ARID5A: variants seen among roughly 807,000 people sequenced by gnomAD.
ARID5A encodes the protein AT-rich interactive domain-containing protein 5A.
Under a neutral mutation model 30.5 loss-of-function variants are expected in ARID5A, and 14 were observed. The ratio of observed to expected loss-of-function variants is 0.46; its 90% CI spans 0.30 to 0.72. ARID5A has a LOEUF of 0.72. Among genes scored for constraint, ARID5A ranks in the 30% least tolerant of loss-of-function variants. The pLI, the probability that ARID5A is intolerant of heterozygous loss-of-function variation, is 0.07. For synonymous variants in ARID5A, 338 were observed against 340.4 expected, an observed-to-expected ratio of 0.99 and a Z score of 0.08; for missense variants, 669 against 786.2, an observed-to-expected ratio of 0.85 and a Z score of 1.78.
At chr2:96,540,500 G>A (rs1346050538) in intron 1 of ARID5A, among the ~76,000 whole-genome samples, 1 of 152,146 alleles carries the variant, frequency 6.6e-6, no homozygotes, top group East Asian at 1.9e-4. Context: ...GTGAACTACT[G>A]TTATCAGGGT....
intron 2 of ARID5A, among the ~76,000 whole-genome samples, chr2:96,547,979 A>ATT (rs1231245081): frequency 6.6e-6 from 1 of 152,210 alleles, no homozygotes; most frequent in Non-Finnish European, 1.5e-5. Flanking sequence ...AAATATCCTG[A>ATT]TTCATGCAGA....
At chr2:96,545,682 G>A (rs1415302146) in intron 1 of ARID5A, among the ~76,000 whole-genome samples, 1 of 152,046 alleles carries the variant, frequency 6.6e-6, no homozygotes, top group East Asian at 1.9e-4. Flanking sequence ...GTTGCCAGGT[G>A]CAGTGGCTCA....
chr2:96,545,825 G>A (rs1299937778), intron 1 of ARID5A, among the ~76,000 whole-genome samples: 3 of 151,870 alleles, frequency 2.0e-5, no homozygotes, highest in East Asian at 1.9e-4. Context: ...TTAGTGGCAC[G>A]CACCTGTAGT....
intron 1 of ARID5A, among the ~76,000 whole-genome samples, chr2:96,544,215 G>T (rs920259032): frequency 6.6e-6 from 1 of 152,248 alleles, no homozygotes; most frequent in Non-Finnish European, 1.5e-5. Context: ...CAGGGCTGGT[G>T]TAGAAGCTGC....
At chr2:96,538,295 G>A (rs1247138171) in intron 1 of ARID5A, 1 of 985,386 alleles carries the variant, frequency 1.0e-6, no homozygotes, top group Non-Finnish European at 1.2e-6. Context: ...TCCTGGAACT[G>A]GGGCTTTTAG....
At position 96,549,506 on chromosome 2, in the gene ARID5A, C is replaced by A; in HGVS notation, c.259+47C>A. The A allele has an allele frequency of 6.3e-7, 1 of 1,595,862 alleles. No individual in the cohort carries two copies. Among genetic ancestry groups the A allele is most frequent in the South Asian group, 1.1e-5 (1 of 90,400 alleles). ...AGGGAGGGGGGCCCAGCAGGGGACC[C>A]CGCCCAGGCAGGGCATCGGGCAGGC... is the stretch of plus-strand genomic sequence containing the variant. On this transcript the variant is annotated intron_variant, in intron 3 of 6. Transcript: ENST00000357485. This position sits in a 1 kb window ranked among gnomAD's most constrained non-coding sequence, Gnocchi z 6.1.
intron 1 of ARID5A, among the ~76,000 whole-genome samples, chr2:96,545,156 C>CTTTTTTTTTTTTTTTTTTTTTT (rs35156624): frequency 2.5e-4 from 29 of 116,320 alleles, no homozygotes; most frequent in Non-Finnish European, 3.2e-4. Flanking sequence ...TTTTCTTTTT[C>CTTTTTTTTTTTTTTTTTTTTTT]TTTTTTTTTT....
intron 1 of ARID5A, among the ~76,000 whole-genome samples, chr2:96,540,697 T>C (rs980349369): frequency 6.6e-5 from 10 of 152,212 alleles, no homozygotes; most frequent in Non-Finnish European, 1.3e-4. Context: ...CTCCTCAAAG[T>C]AGTTTCTAAA....
intron 1 of ARID5A, chr2:96,538,263 T>G: frequency 1.0e-6 from 1 of 985,462 alleles, no homozygotes; most frequent in Non-Finnish European, 1.2e-6. Context: ...TGGCCCAGAC[T>G]CCGTGGGGAG....
intron 1 of ARID5A, among the ~76,000 whole-genome samples, chr2:96,541,890 CAG>C (rs1263849655): frequency 2.0e-5 from 3 of 152,234 alleles, no homozygotes; most frequent in African/African-American, 7.2e-5. Context: ...CAGCAGCTAT[CAG>C]GGGCAAGTGG....
chr2:96,539,219 G>A lies in ARID5A; in HGVS notation c.4+2389G>A, dbSNP rs2065800681. Among the ~76,000 whole-genome samples the A allele has an allele frequency of 6.6e-6, 1 of 152,200 alleles. No homozygotes were observed. Among genetic ancestry groups the A allele is most frequent in the Non-Finnish European group, 1.5e-5 (1 of 68,034 alleles). ...CGCCCATCTTGTAGATGGGGAAAGG[G>A]AGATACAGAACCAGTGACCAACTTG... On this transcript the variant is annotated intron_variant, in intron 1 of 6. Coordinates refer to ENST00000357485, the MANE Select transcript of ARID5A (RefSeq NM_212481.3). The surrounding 1 kb of genome is among the most constrained non-coding windows in gnomAD (Gnocchi z 4.7).
At chr2:96,538,738 G>A (rs1464774485) in intron 1 of ARID5A, among the ~76,000 whole-genome samples, 1 of 152,240 alleles carries the variant, frequency 6.6e-6, no homozygotes, top group Non-Finnish European at 1.5e-5. Context: ...CTCAGCCGAG[G>A]GGGCGGGGCG....
At chr2:96,540,976 C>T (rs2065834959) in intron 1 of ARID5A, among the ~76,000 whole-genome samples, 1 of 151,672 alleles carries the variant, frequency 6.6e-6, no homozygotes, top group Non-Finnish European at 1.5e-5. Flanking sequence ...AGCTCCTTAC[C>T]TCAAGTGATC....
chr2:96,552,069 C>T lies in ARID5A; in HGVS notation c.1541C>T (p.Thr514Ile), dbSNP rs750336016. ...MLHCPLNFTG[T>I]PGPLKGQAAL... Reference sequence around the variant, plus strand: ...CACTGCCCGCTGAACTTCACTGGCACCCCGGGCCCCTTGAAGGGCCAGGCT... The same window carrying T: ...CACTGCCCGCTGAACTTCACTGGCATCCCGGGCCCCTTGAAGGGCCAGGCT... Residue 514 changes from threonine (T) to isoleucine (I), a missense_variant, in exon 7 of 7, where the codon ACC (threonine) becomes ATC (isoleucine). Coordinates refer to ENST00000357485, the MANE Select transcript of ARID5A (RefSeq NM_212481.3). The T allele has an allele frequency of 1.0e-5, 16 of 1,586,116 alleles. No individual in the cohort carries two copies. In the Admixed American group the frequency reaches 2.6e-4, roughly 26 times the overall value.
intron 1 of ARID5A, among the ~76,000 whole-genome samples, chr2:96,543,314 A>G (rs1486790898): frequency 6.6e-6 from 1 of 152,174 alleles, no homozygotes; most frequent in Non-Finnish European, 1.5e-5. Context: ...GAGGGAGAGA[A>G]TGTACAGGCA....
chr2:96,551,905 G>A lies in ARID5A; in HGVS notation c.1377G>A (p.Leu459=). The A allele has an allele frequency of 6.5e-7, 1 of 1,539,612 alleles. No individual in the cohort carries two copies. Among genetic ancestry groups the A allele is most frequent in the South Asian group, 1.2e-5 (1 of 80,100 alleles). The part of the protein sequence containing the change: ...EEGAAHSGKR[L]RAVSPFLKEA... ...GTGCTGCCCACAGTGGGAAGAGACT[G>A]CGGGCCGTGTCTCCCTTTCTTAAGG... The change falls in exon 7 of 7, where the codon CTG becomes CTA. Residue 459 remains leucine, a synonymous_variant. Coordinates refer to ENST00000357485, the MANE Select transcript of ARID5A (RefSeq NM_212481.3).
At chr2:96,543,007 A>G (rs1335571492) in intron 1 of ARID5A, among the ~76,000 whole-genome samples, 2 of 152,212 alleles carry the variant, frequency 1.3e-5, no homozygotes, top group Non-Finnish European at 2.9e-5. Context: ...TTGGTTGGAA[A>G]GGCATCAGTC....
Position 96,539,358 on chromosome 2 carries a change from G to A in ARID5A, c.4+2528G>A, listed in dbSNP as rs865809422. On this transcript the variant is annotated intron_variant, in intron 1 of 6. Transcript: ENST00000357485. This position sits in a 1 kb window ranked among gnomAD's most constrained non-coding sequence, Gnocchi z 4.7. ...AGGGCAGGGGCCCACTGACTTCCCC[G>A]CATCCACCCACTGCCTGGCCCCATA... 2.6e-5 allele frequency among the ~76,000 whole-genome samples: 4 copies of A among 152,150 alleles called. No homozygotes were observed. Among genetic ancestry groups the A allele is most frequent in the Non-Finnish European group, 4.4e-5 (3 of 68,000 alleles).
rs769562008 is a variant in ARID5A, at chr2:96,551,790, T to C, written c.1262T>C (p.Met421Thr). ...PKPKACWVSP[M>T]AKVPAESPTL... ...CCCAAAGCCTGCTGGGTGTCCCCCA[T>C]GGCCAAGGTCCCAGCCGAGAGCCCC... The change falls in exon 7 of 7, where the codon ATG (methionine) becomes ACG (threonine). Residue 421 changes from methionine (M) to threonine (T), a missense_variant. Transcript: ENST00000357485. 2.8e-5 allele frequency: 44 copies of C among 1,555,346 alleles called. No individual in the cohort carries two copies. The highest frequency in any genetic ancestry group is 1.7e-4 in the Middle Eastern group (1 of 5,784).
Sources: gnomAD v4.1 joint callset for allele counts (sites outside exome capture counted in the v4.1 genomes callset) on GRCh38, gnomAD v4.1.1 for gene constraint, Gnocchi (gnomAD v3.1) non-coding constraint, MANE v1.5 for transcripts, NCBI Gene and HGNC (gene_info 2026-07-23, HGNC 2026-07-21) for gene names.